The following HSD17B12 variants were observed in gnomAD, a reference collection of about 807,000 sequenced individuals.
HSD17B12 encodes very-long-chain 3-oxoacyl-CoA reductase.
HSD17B12 carries 32 observed loss-of-function variants against 39.3 expected under a neutral mutation model. The ratio of observed to expected loss-of-function variants is 0.81; its 90% confidence interval spans 0.61 to 1.09. The LOEUF is 1.09. Ranked by LOEUF, HSD17B12 falls within the 50% of genes least tolerant of loss-of-function variation. The pLI is 0.00. For synonymous variants in HSD17B12, 150 were observed against 146.7 expected, an observed-to-expected ratio of 1.02 and a Z score of -0.16; for missense variants, 342 against 382.9, an observed-to-expected ratio of 0.89 and a Z score of 0.89.
chr11:43,675,687 A>T (rs1477043054), upstream of HSD17B12, among the ~76,000 whole-genome samples: 1 of 152,146 alleles, frequency 6.6e-6, no homozygotes, highest in Admixed American at 6.5e-5. Context: ...TTAGGAGGCT[A>T]TTGCCATATT....
chr11:43,649,670 A>G, the HSD17B12 span, among the ~76,000 whole-genome samples: 1 of 152,222 alleles, frequency 6.6e-6, no homozygotes, highest in African/African-American at 2.4e-5. Flanking sequence ...TATTGTGACA[A>G]TGTCACTCTG....
chr11:43,793,769 C>T (rs543053823), intron 3 of HSD17B12, among the ~76,000 whole-genome samples: 7 of 152,276 alleles, frequency 4.6e-5, no homozygotes, highest in South Asian at 4.1e-4. Flanking sequence ...TACTCTGTGT[C>T]GTAAACAGCA....
At chr11:43,564,539 C>T in the HSD17B12 span, among the ~76,000 whole-genome samples, 41 of 152,230 alleles carry the variant, frequency 2.7e-4, no homozygotes, top group South Asian at 2.5e-3. Context: ...TCACTTATAT[C>T]GTGTAAGTTG....
the HSD17B12 span, among the ~76,000 whole-genome samples, chr11:43,622,406 G>A: frequency 6.6e-6 from 1 of 151,670 alleles, no homozygotes; most frequent in South Asian, 2.1e-4. Flanking sequence ...ACCAGTGTGG[G>A]CAATTAAAGC....
intron 1 of HSD17B12, among the ~76,000 whole-genome samples, chr11:43,683,049 C>T (rs1057039996): frequency 6.6e-6 from 1 of 151,420 alleles, no homozygotes; most frequent in Non-Finnish European, 1.5e-5. Context: ...GCTTCAGCCT[C>T]CCAAAGTGCT....
At chr11:43,845,692 GAC>G (rs1384920200) in intron 9 of HSD17B12, among the ~76,000 whole-genome samples, 5 of 152,156 alleles carry the variant, frequency 3.3e-5, no homozygotes, top group African/African-American at 4.8e-5. Context: ...CACGTGGGGA[GAC>G]ACAGAAGATC....
the HSD17B12 span, chr11:43,670,385 T>C: frequency 1.3e-5 from 2 of 152,224 alleles, no homozygotes; most frequent in African/African-American, 4.8e-5. Flanking sequence ...TATTATTTCA[T>C]ATATATTTTG....
chr11:43,614,272 T>C, the HSD17B12 span, among the ~76,000 whole-genome samples: 1 of 152,244 alleles, frequency 6.6e-6, no homozygotes, highest in East Asian at 1.9e-4. Flanking sequence ...TCATTGGATA[T>C]AGAATTTTCA....
chr11:43,718,142 G>C (rs1403823786), intron 1 of HSD17B12, among the ~76,000 whole-genome samples: 1 of 152,144 alleles, frequency 6.6e-6, no homozygotes, highest in Non-Finnish European at 1.5e-5. Context: ...CAAGCCACAG[G>C]ACCAGCTCAG....
intron 7 of HSD17B12, chr11:43,833,550 G>C (rs929281070): frequency 9.2e-5 from 14 of 152,188 alleles, no homozygotes; most frequent in African/African-American, 3.4e-4. Context: ...AATATTAGCT[G>C]TATGCCCAAA....
intron 7 of HSD17B12, 71 bp from the exon 8 acceptor site, chr11:43,838,246 T>C (rs1225228253): frequency 1.0e-6 from 1 of 994,394 alleles, no homozygotes; most frequent in East Asian, 2.4e-5. Flanking sequence ...ATTATATATC[T>C]CAATCTGTAA....
rs367783377 is a variant in HSD17B12, at chr11:43,819,383, G to A, written c.501+2992G>A. Among the ~76,000 whole-genome samples, 23 of 152,222 alleles carry A rather than the reference G, an allele frequency of 1.5e-4. No homozygotes were observed. In the South Asian group the frequency reaches 4.1e-3, roughly 27 times the overall value. ...TTAATCTGTGAGAATCAGTCATCCT[G>A]CTGTGCTTCATGGTCACAGACTTTA... On this transcript the variant is annotated intron_variant, in intron 6 of 10. Transcript: ENST00000278353.
the HSD17B12 span, among the ~76,000 whole-genome samples, chr11:43,649,414 C>T: frequency 1.3e-5 from 2 of 152,096 alleles, no homozygotes; most frequent in African/African-American, 2.4e-5. Context: ...GAAACACACT[C>T]TTATTATATT....
At chr11:43,590,342 A>C in the HSD17B12 span, among the ~76,000 whole-genome samples, 3 of 150,228 alleles carry the variant, frequency 2.0e-5, no homozygotes, top group Middle Eastern at 9.6e-3. Flanking sequence ...ATGACATTGC[A>C]CCTTAAAATT....
At chr11:43,639,068 T>A in the HSD17B12 span, among the ~76,000 whole-genome samples, 1 of 152,198 alleles carries the variant, frequency 6.6e-6, no homozygotes, top group Non-Finnish European at 1.5e-5. Context: ...AAAGATAAGA[T>A]TTTTATGGCT....
chr11:43,593,491 A>G, the HSD17B12 span, among the ~76,000 whole-genome samples: 1 of 152,242 alleles, frequency 6.6e-6, no homozygotes, highest in East Asian at 1.9e-4. Flanking sequence ...ATATCTTTAA[A>G]TAAAATTTTC....
intron 1 of HSD17B12, among the ~76,000 whole-genome samples, chr11:43,715,794 C>A (rs147740010): frequency 6.6e-6 from 1 of 151,886 alleles, no homozygotes; most frequent in East Asian, 1.9e-4. Context: ...GTGTGACTGA[C>A]GAACTGAATT....
intron 4 of HSD17B12, among the ~76,000 whole-genome samples, chr11:43,799,459 A>G (rs1044626157): frequency 6.6e-6 from 1 of 152,158 alleles, no homozygotes; most frequent in African/African-American, 2.4e-5. Flanking sequence ...TTATTGGGAT[A>G]ATCAGAATAT....
chr11:43,597,841 G>C, the HSD17B12 span, among the ~76,000 whole-genome samples: 1 of 151,978 alleles, frequency 6.6e-6, no homozygotes, highest in African/African-American at 2.4e-5. Flanking sequence ...CACTATGTTG[G>C]CCAGGCTGGT....
Sources: gnomAD v4.1 joint callset for allele counts (sites outside exome capture counted in the v4.1 genomes callset) on GRCh38, gnomAD v4.1.1 for gene constraint, MANE v1.5 for transcripts, NCBI Gene and HGNC (gene_info 2026-07-23, HGNC 2026-07-21) for gene names.